Variants in CAPRIN1 observed in about 807,000 individuals in gnomAD.
CAPRIN1 encodes the protein cell cycle associated protein 1.
CAPRIN1 carries 29 observed loss-of-function variants against 100.9 expected under a neutral mutation model. That is an observed-to-expected ratio of 0.29 (90% CI 0.21 to 0.39). CAPRIN1 has a LOEUF of 0.39. Among genes scored for constraint, CAPRIN1 ranks in the 10% least tolerant of loss-of-function variants. The pLI, the probability that CAPRIN1 is intolerant of heterozygous loss-of-function variation, is 1.00. For synonymous variants in CAPRIN1, 338 were observed against 307.5 expected (o/e 1.10, Z -1.04); for missense variants, 795 against 876.7 (o/e 0.91, Z 1.18).
At chr11:34,093,983 ATTTG>A (rs1366470453) in intron 15 of CAPRIN1, among the ~76,000 whole-genome samples, 3 of 151,876 alleles carry the variant, frequency 2.0e-5, no homozygotes, top group South Asian at 2.1e-4. Context: ...AAAAAAGTTC[ATTTG>A]TTTATTTTTA....
intron 13 of CAPRIN1, 60 bp downstream of exon 13, chr11:34,090,349 A>G: frequency 2.3e-6 from 3 of 1,279,842 alleles, no homozygotes; most frequent in Non-Finnish European, 3.4e-6. Flanking sequence ...AATTGAACAG[A>G]TGTACATTAC....
At chr11:34,073,411 G>T (rs1351295800) in intron 4 of CAPRIN1, among the ~76,000 whole-genome samples, 1 of 152,188 alleles carries the variant, frequency 6.6e-6, no homozygotes, top group Admixed American at 6.5e-5. Flanking sequence ...GCTTAGAACA[G>T]TATTTGATGC....
At chr11:34,069,120 T>C (rs754472288) in intron 2 of CAPRIN1, among the ~76,000 whole-genome samples, 4 of 152,046 alleles carry the variant, frequency 2.6e-5, no homozygotes, top group Admixed American at 1.3e-4. Flanking sequence ...TATTTTGGAA[T>C]ATCCTAAATC....
intron 15 of CAPRIN1, 88 bp from the exon 16 acceptor site, chr11:34,096,391 T>G (rs1484852859): frequency 1.1e-6 from 1 of 905,752 alleles, no homozygotes; most frequent in East Asian, 2.5e-5. Flanking sequence ...GGAGACTGTA[T>G]AAGACACTTC....
In CAPRIN1 at chr11:34,061,639, A is replaced by G. The variant is rs146161245; in HGVS notation, c.216+9003A>G. Among the ~76,000 whole-genome samples, 979 of 151,684 alleles carry G rather than the reference A, an allele frequency of 6.5e-3. 14 individuals carry two copies. The highest frequency in any genetic ancestry group is 0.022 in the African/African-American group (915 of 41,338). ...TCGTTTCTCAATGAAAATTTGTTTC[A>G]TTGGTGTGCCACTCTTTAAGTTCTT... On this transcript the variant is annotated intron_variant, in intron 2 of 18. Transcript: ENST00000341394.
intron 9 of CAPRIN1, among the ~76,000 whole-genome samples, chr11:34,084,460 A>G (rs924058392): frequency 1.3e-5 from 2 of 152,232 alleles, no homozygotes; most frequent in Non-Finnish European, 2.9e-5. Flanking sequence ...AGAGAAATCA[A>G]TCAAAAAGAT....
chr11:34,058,805 G>T (rs1234935874), intron 2 of CAPRIN1, among the ~76,000 whole-genome samples: 4 of 152,172 alleles, frequency 2.6e-5, no homozygotes. Flanking sequence ...ACATTTGTCA[G>T]ACTCTACTCC....
intron 2 of CAPRIN1, chr11:34,063,259 G>A (rs1417957506): frequency 1.3e-5 from 2 of 152,236 alleles, no homozygotes; most frequent in Admixed American, 6.5e-5. Context: ...AGCAGCAGCA[G>A]AGGCAGAGCT....
rs564885291 is a variant in CAPRIN1 at position 34,085,148 on chromosome 11, A to C, written c.967-916A>C. On this transcript the variant is annotated intron_variant, in intron 9 of 18. Transcript: ENST00000341394. The stretch of plus-strand genomic sequence containing the variant: ...TTTTAAATCCAGACAGAATAATATA[A>C]ATTTGATGTAATAAAAGATAGGATT... Among the ~76,000 whole-genome samples, 3 of 152,264 alleles carry C rather than the reference A, an allele frequency of 2.0e-5. No homozygotes were observed. In the East Asian group the frequency reaches 5.8e-4, roughly 29 times the overall value.
At chr11:34,076,931 C>T (rs945705216) in intron 6 of CAPRIN1, among the ~76,000 whole-genome samples, 19 of 151,976 alleles carry the variant, frequency 1.3e-4, no homozygotes, top group African/African-American at 3.1e-4. Flanking sequence ...GACAGGGTTT[C>T]GCCATGTAGG....
chr11:34,086,773 C>G (rs1052066038), intron 11 of CAPRIN1, among the ~76,000 whole-genome samples: 2 of 152,174 alleles, frequency 1.3e-5, no homozygotes, highest in Non-Finnish European at 2.9e-5. Flanking sequence ...CTAGCGATAG[C>G]AACCACTTCC....
At chr11:34,083,302 C>A (rs769299317) in intron 9 of CAPRIN1, among the ~76,000 whole-genome samples, 9 of 152,096 alleles carry the variant, frequency 5.9e-5, no homozygotes, top group Non-Finnish European at 1.3e-4. Context: ...CATGATTTGT[C>A]TCTTACTGAA....
In CAPRIN1 at chr11:34,102,041, GT is replaced by G. The variant is rs1370086690; in HGVS notation, c.*2682del. ...AATAATTCCTAAAAAATATGGAAAAGTTTTTTTTCAATCATTGTACCTTGAT... is the reference window on the plus strand; with the variant it reads ...AATAATTCCTAAAAAATATGGAAAAGTTTTTTTCAATCATTGTACCTTGAT... On this transcript the variant is annotated 3_prime_UTR_variant, in exon 19 of 19. Transcript: ENST00000341394. Among the ~76,000 whole-genome samples the G allele has an allele frequency of 6.6e-6, 1 of 151,916 alleles. No individual in the cohort carries two copies. Among genetic ancestry groups the G allele is most frequent in the South Asian group, 2.1e-4 (1 of 4,808 alleles).
Position 34,096,478 on chromosome 11 carries a change from G to C in CAPRIN1, c.1706-1G>C. ...ATATCTTTTTCTTTTTTAAATTATA[G>C]TGGTTGGCACTTACCATGGTTCCCC... On this transcript the variant is annotated splice_acceptor_variant, in intron 15 of 18. Transcript: ENST00000341394. LOFTEE classifies it high-confidence loss of function. 6.2e-7 allele frequency: 1 copy of C among 1,610,844 alleles called. No homozygotes were observed.
intron 2 of CAPRIN1, among the ~76,000 whole-genome samples, chr11:34,067,925 C>T (rs917683146): frequency 6.6e-6 from 1 of 152,162 alleles, no homozygotes; most frequent in Non-Finnish European, 1.5e-5. Flanking sequence ...CTTTTCATTT[C>T]CCCTTTAACC....
At chr11:34,077,778 G>T (rs188513991) in intron 6 of CAPRIN1, among the ~76,000 whole-genome samples, 81 of 152,278 alleles carry the variant, frequency 5.3e-4, no homozygotes, top group Non-Finnish European at 7.1e-4. Flanking sequence ...TTGCTTTAAG[G>T]AAATGGGTGC....
At chr11:34,084,507 A>G (rs917924147) in intron 9 of CAPRIN1, among the ~76,000 whole-genome samples, 11 of 152,224 alleles carry the variant, frequency 7.2e-5, no homozygotes, top group African/African-American at 2.4e-4. Context: ...TTGTTATACC[A>G]GGGGCATTGG....
At position 34,097,675 on chromosome 11, in the gene CAPRIN1, A is replaced by G. The variant is rs567637812; in HGVS notation, c.2002-23A>G. ...GCATTTTTTAAAAAGTACCTTTTCA[A>G]TACTAACTAGCTTGTCTTTTAGGAT... is the stretch of plus-strand genomic sequence containing the variant. On this transcript the variant is annotated intron_variant, in intron 17 of 18. Transcript: ENST00000341394. The G allele has an allele frequency of 2.5e-5, 40 of 1,613,958 alleles. No homozygotes were observed. The South Asian group carries it at 3.4e-4, about 14-fold the overall frequency.
intron 7 of CAPRIN1, among the ~76,000 whole-genome samples, chr11:34,080,460 A>G (rs965081027): frequency 2.0e-5 from 3 of 152,184 alleles, no homozygotes; most frequent in African/African-American, 4.8e-5. Context: ...CATTGGAGGA[A>G]TAGTATGAGT....
Sources: gnomAD v4.1 joint callset for allele counts (sites outside exome capture counted in the v4.1 genomes callset) on GRCh38, gnomAD v4.1.1 for gene constraint, MANE v1.5 for transcripts, NCBI Gene and HGNC (gene_info 2026-07-23, HGNC 2026-07-21) for gene names.